Variants in MGAT4A observed in about 807,000 individuals in gnomAD.
The protein encoded by MGAT4A is N-acetylglucosaminyltransferase IVa.
A neutral mutation model predicts 74.1 loss-of-function variants in MGAT4A; 33 were observed. That is an observed-to-expected ratio of 0.45 (90% CI 0.34 to 0.60). MGAT4A has a LOEUF of 0.60. Among genes scored for constraint, MGAT4A ranks in the 20% least tolerant of loss-of-function variants. The probability of loss-of-function intolerance (pLI) is 0.02; values close to 1 mark genes in which losing one functional copy is unlikely to be tolerated. For missense variants in MGAT4A, 479 were observed against 628.3 expected (o/e 0.76, Z 2.54); for synonymous variants, 198 against 210.4 (o/e 0.94, Z 0.51).
In MGAT4A at chr2:98,663,442, G is replaced by A. The variant is rs974781130; in HGVS notation, c.404-263C>T. 62 of 1,482,102 alleles carry A rather than the reference G, an allele frequency of 4.2e-5. No homozygotes were observed. The South Asian group carries it at 7.1e-4, about 17-fold the overall frequency. 91.8% of individuals were successfully genotyped at this position (1,482,102 alleles called of 1,614,324 possible). On this transcript the variant is annotated intron_variant, in intron 4 of 15. Transcript: ENST00000393487. The stretch of plus-strand genomic sequence containing the variant: ...TTCACACTAAAAAATGAATGGCTGC[G>A]AAGTATAAACAGCAAACTGTATTTT...
rs58878330 is a variant in MGAT4A at position 98,651,071 on chromosome 2, AAAAG to A, written c.774+4370_774+4373del. Among the ~76,000 whole-genome samples the A allele has an allele frequency of 5.9e-3, 897 of 150,770 alleles. 11 individuals are homozygous for A. Among genetic ancestry groups the A allele is most frequent in the African/African-American group, 0.02 (799 of 40,932 alleles). On this transcript the variant is annotated intron_variant, in intron 8 of 15. Coordinates refer to ENST00000393487, the MANE Select transcript of MGAT4A (RefSeq NM_012214.3). ...CAGAGCAAGACTCCATCTCAAAAAA[AAAAG>A]AAAGAAAGAAAGAAAGAAATTAAGA...
At chr2:98,710,311 C>T (rs563680103) in intron 2 of MGAT4A, among the ~76,000 whole-genome samples, 2 of 152,184 alleles carry the variant, frequency 1.3e-5, no homozygotes, top group South Asian at 2.1e-4. Context: ...ACATGGTATC[C>T]GGTAGCCAGG....
At position 98,643,993 on chromosome 2, in the gene MGAT4A, T is replaced by C; in HGVS notation, c.950A>G (p.Lys317Arg). 1 of 1,604,444 alleles carries C rather than the reference T, an allele frequency of 6.2e-7. No individual in the cohort carries two copies. Residue 317 changes from lysine (K) to arginine (R), a missense_variant, in exon 10 of 16, where the codon AAG becomes AGG. Physicochemically the swap from Lys to Arg is conservative, Grantham distance 26. Around this residue, in one of 3 missense-constraint regions of MGAT4A, gnomAD observed 236 missense variants for 308.2 expected, o/e 0.77. Transcript: ENST00000393487. ...CAGGAGCCAATCAATGGGTTTCTCC[T>C]TGTAAAACATGAATATGAATTCTAC... Reference protein sequence around the residue: ...LIVEFIFMFYKEKPIDWLLDH... With the variant: ...LIVEFIFMFYREKPIDWLLDH...
chr2:98,663,555 C>A, intron 4 of MGAT4A: 1 of 1,032,254 alleles, frequency 9.7e-7, no homozygotes, highest in Non-Finnish European at 1.3e-6. Context: ...GAGAAGAGCA[C>A]AACATCAGTT....
chr2:98,641,302 C>G (rs1479183317), intron 10 of MGAT4A, among the ~76,000 whole-genome samples: 1 of 151,884 alleles, frequency 6.6e-6, no homozygotes, highest in East Asian at 1.9e-4. Flanking sequence ...AGATGGATCA[C>G]CTGAGGTCAG....
At chr2:98,627,374 GT>G (rs1332659416) in intron 14 of MGAT4A, among the ~76,000 whole-genome samples, 3 of 151,904 alleles carry the variant, frequency 2.0e-5, no homozygotes, top group African/African-American at 7.3e-5. Context: ...GCAAAAACTA[GT>G]TTTCTTTTTT....
At position 98,625,764 on chromosome 2, in the gene MGAT4A, A is replaced by C; in HGVS notation, c.1540T>G (p.Ser514Ala). The part of the protein sequence containing the change: ...SLNPISAFRL[S>A]VIQNSAVWAI... ...CAAACAGCAGAATTCTGAATAACTG[A>C]AAGTCGAAAGGCTGAAATGGGATTG... Residue 514 changes from serine (S) to alanine (A), a missense_variant, in exon 15 of 16, where the codon TCA becomes GCA. Coordinates refer to ENST00000393487, the MANE Select transcript of MGAT4A (RefSeq NM_012214.3). 2 of 1,612,142 alleles carry C rather than the reference A, an allele frequency of 1.2e-6. No individual in the cohort carries two copies. Among genetic ancestry groups the C allele is most frequent in the Non-Finnish European group, 1.7e-6 (2 of 1,178,524 alleles).
chr2:98,703,956 G>A (rs757480707), intron 2 of MGAT4A, among the ~76,000 whole-genome samples: 4 of 152,196 alleles, frequency 2.6e-5, no homozygotes, highest in East Asian at 1.9e-4. Flanking sequence ...ACTTGTCATC[G>A]CCTTAGCTTG....
rs553106782 is a variant in MGAT4A at position 98,658,094 on chromosome 2, G to C, written c.584+124C>G. On this transcript the variant is annotated intron_variant, in intron 6 of 15. Transcript: ENST00000393487. Reference sequence around the variant, plus strand: ...ACAATATCAAATACCAATCAGAGGTGATCTAATAAACAATGAACTCCACAG... The same window carrying C: ...ACAATATCAAATACCAATCAGAGGTCATCTAATAAACAATGAACTCCACAG... The C allele has an allele frequency of 6.5e-5, 42 of 650,586 alleles. 1 individual carries two copies. The Middle Eastern group carries it at 1.1e-3, about 17-fold the overall frequency. 40.3% of individuals were successfully genotyped at this position (650,586 alleles called of 1,614,324 possible). A position where few individuals can be genotyped will look rare whatever the true frequency, so the allele number is the denominator to read the frequency against.
In MGAT4A at chr2:98,655,578, A is replaced by G. The variant is rs1484590171; in HGVS notation, c.699-58T>C. On this transcript the variant is annotated intron_variant, in intron 7 of 15. Coordinates refer to ENST00000393487, the MANE Select transcript of MGAT4A (RefSeq NM_012214.3). Reference sequence around the variant, plus strand: ...AATCAGACTCAAATTTAGTAAAATAAGATTAAATGTATAAATGTCAAATGT... The same window carrying G: ...AATCAGACTCAAATTTAGTAAAATAGGATTAAATGTATAAATGTCAAATGT... 11 of 1,176,298 alleles carry G rather than the reference A, an allele frequency of 9.4e-6. No homozygotes were observed. In the African/African-American group the frequency reaches 1.5e-4, roughly 16 times the overall value. 72.9% of individuals were successfully genotyped at this position (1,176,298 alleles called of 1,614,324 possible). A position where few individuals can be genotyped will look rare whatever the true frequency, so the allele number is the denominator to read the frequency against.
chr2:98,689,539 G>A (rs1031523505), intron 2 of MGAT4A, among the ~76,000 whole-genome samples: 1 of 152,120 alleles, frequency 6.6e-6, no homozygotes, highest in Non-Finnish European at 1.5e-5. Context: ...TTATAAATAA[G>A]AAGGCTGGGC....
chr2:98,717,019 C>G (rs1702602384), intron 2 of MGAT4A, among the ~76,000 whole-genome samples: 2 of 152,136 alleles, frequency 1.3e-5, no homozygotes, highest in African/African-American at 4.8e-5. Context: ...GTGCCTCAAT[C>G]TAACCAGATA....
intron 14 of MGAT4A, among the ~76,000 whole-genome samples, chr2:98,633,351 C>G (rs918344100): frequency 1.1e-4 from 16 of 152,194 alleles, no homozygotes; most frequent in African/African-American, 3.6e-4. Context: ...TCTCCCCGAG[C>G]TGGGGGTACT....
At chr2:98,644,298 G>A (rs890069147) in intron 9 of MGAT4A, among the ~76,000 whole-genome samples, 3 of 152,070 alleles carry the variant, frequency 2.0e-5, no homozygotes, top group Admixed American at 1.3e-4. Flanking sequence ...ATAATCTATC[G>A]TATACCTACT....
At position 98,678,376 on chromosome 2, in the gene MGAT4A, T is replaced by C. The variant is rs949108715; in HGVS notation, c.190A>G (p.Thr64Ala). 3 of 1,586,732 alleles carry C rather than the reference T, an allele frequency of 1.9e-6. No individual in the cohort carries two copies. The highest frequency in any genetic ancestry group is 2.6e-6 in the Non-Finnish European group (3 of 1,161,916). ...ACACGCTTGAACTGTTGCACAATCG[T>C]ATTTAATTCAGAAGAGCGCTGTGAG... ...RISQRSSELN[T>A]IVQQFKRVGA... The change falls in exon 3 of 16, where the codon ACG becomes GCG. Residue 64 changes from threonine to alanine, a missense_variant. Thr to Ala is a moderately conservative substitution (Grantham distance 58). Transcript: ENST00000393487.
At chr2:98,670,571 AC>A (rs1319789777) in intron 4 of MGAT4A, among the ~76,000 whole-genome samples, 1 of 152,240 alleles carries the variant, frequency 6.6e-6, no homozygotes, top group Non-Finnish European at 1.5e-5. Context: ...TTTAGTTATA[AC>A]TAAATTATGT....
At chr2:98,663,506 CTAA>C in intron 4 of MGAT4A, 3 of 1,333,926 alleles carry the variant, frequency 2.2e-6, no homozygotes, top group Non-Finnish European at 2.9e-6. Context: ...ATCTTAAAAA[CTAA>C]TGTCTTATCT....
In MGAT4A at chr2:98,631,080, T is replaced by A. The variant is rs1289771436; in HGVS notation, c.1468+4142A>T. Among the ~76,000 whole-genome samples, 4 of 152,244 alleles carry A rather than the reference T, an allele frequency of 2.6e-5. No homozygotes were observed. In the East Asian group the frequency reaches 7.7e-4, roughly 29 times the overall value. On this transcript the variant is annotated intron_variant, in intron 14 of 15. Transcript: ENST00000393487. ...CCCTTTCCTTCTCCCACTGGGTCTC[T>A]GCAGAAGGTTCTTCTGCCGTCTCGC...
chr2:98,722,719 A>G (rs1702694343), intron 2 of MGAT4A, among the ~76,000 whole-genome samples: 1 of 149,890 alleles, frequency 6.7e-6, no homozygotes, highest in South Asian at 2.1e-4. Context: ...CAAGCTGTTT[A>G]AAACTGTTTA....
Sources: allele counts gnomAD v4.1 joint callset (sites outside exome capture counted in the v4.1 genomes callset), GRCh38; gene constraint gnomAD v4.1.1; regional missense constraint gnomAD v4.1.1; transcripts MANE v1.5; gene names NCBI Gene and HGNC (gene_info 2026-07-23, HGNC 2026-07-21).